The following DOK7 variants were observed in gnomAD, a reference collection of about 807,000 sequenced individuals.
The protein encoded by DOK7 is docking protein 7, also known as protein Dok-7.
A neutral mutation model predicts 30.7 loss-of-function variants in DOK7; 32 were observed. That is an observed-to-expected ratio of 1.04 (90% CI 0.79 to 1.40). DOK7 has a LOEUF of 1.40. Ranked by LOEUF, DOK7 falls within the 40% of genes most tolerant of loss-of-function variation. The probability of loss-of-function intolerance (pLI) is 0.00; values close to 1 mark genes in which losing one functional copy is unlikely to be tolerated. For synonymous variants in DOK7, 447 were observed against 324.1 expected (o/e 1.38, Z -4.07); for missense variants, 1,007 against 699.2 (o/e 1.44, Z -4.97).
chr4:3,469,556 G>T (rs1881809), intron 2 of DOK7, among the ~76,000 whole-genome samples: 19,094 of 152,102 alleles, frequency 0.13, 1,259 homozygotes, highest in East Asian at 0.23. Context: ...CTCCTGGGAG[G>T]GTGTGGCTGG....
At chr4:3,468,701 T>G (rs1726509343) in intron 2 of DOK7, among the ~76,000 whole-genome samples, 1 of 138,496 alleles carries the variant, frequency 7.2e-6, no homozygotes, top group Non-Finnish European at 1.5e-5. Context: ...TGTATGTCTG[T>G]GTATGTGTGT....
intron 4 of DOK7, among the ~76,000 whole-genome samples, chr4:3,483,320 A>C (rs1727547415): frequency 7.6e-6 from 1 of 131,866 alleles, no homozygotes; most frequent in South Asian, 2.8e-4. Flanking sequence ...GAGCATTCCC[A>C]AGACCGGGGG....
chr4:3,476,208 ATGATGCCCTCTCGCCCCGCCTGCCCG>A lies in DOK7; in HGVS notation c.332-121_332-96del, dbSNP rs1560212192. 3.7e-3 allele frequency: 648 copies of A among 176,182 alleles called. 67 individuals carry two copies. The highest frequency in any genetic ancestry group is 0.02 in the African/African-American group (201 of 9,970). 10.9% of individuals were successfully genotyped at this position (176,182 alleles called of 1,614,324 possible). On this transcript the variant is annotated intron_variant, in intron 3 of 6. Coordinates refer to ENST00000340083, the MANE Select transcript of DOK7 (RefSeq NM_173660.5). ...CGATGCCCTCTCACCTCACCCGCCC[ATGATGCCCTCTCGCCCCGCCTGCCCG>A]TGATGCCCTCTCACCCCACCCGCCC...
chr4:3,467,452 C>CG (rs1329893685), intron 2 of DOK7, among the ~76,000 whole-genome samples: 2 of 127,304 alleles, frequency 1.6e-5, no homozygotes, highest in African/African-American at 5.6e-5. Flanking sequence ...AGGGAAGACC[C>CG]CCCCCCCCCA....
intron 4 of DOK7, among the ~76,000 whole-genome samples, chr4:3,481,067 G>A (rs538793195): frequency 2.2e-4 from 33 of 152,162 alleles, no homozygotes; most frequent in South Asian, 4.2e-4. Context: ...TGGGTGTCCC[G>A]AAGGGCTGTG....
chr4:3,494,928 C>A (rs1424102290), downstream of DOK7, among the ~76,000 whole-genome samples: 2 of 152,116 alleles, frequency 1.3e-5, no homozygotes, highest in African/African-American at 4.8e-5. Flanking sequence ...TGCCCCCTCA[C>A]CCGCCACCCT....
intron 2 of DOK7, among the ~76,000 whole-genome samples, chr4:3,466,260 C>A (rs1384798878): frequency 6.6e-6 from 1 of 152,182 alleles, no homozygotes; most frequent in African/African-American, 2.4e-5. Flanking sequence ...ATGGCTGGGC[C>A]CTTGCTTAGT....
chr4:3,494,567 C>CG (rs1267931973), downstream of DOK7: 12 of 969,612 alleles, frequency 1.2e-5, no homozygotes, highest in Admixed American at 4.9e-4. Flanking sequence ...GCGAAGTCCC[C>CG]GGGCCCGGCT....
chr4:3,490,521 ACCCCCCCGCTCATTCG>A (rs1728260855), intron 6 of DOK7, among the ~76,000 whole-genome samples: 1 of 20,424 alleles, frequency 4.9e-5, no homozygotes, highest in Non-Finnish European at 9.1e-5. Flanking sequence ...TCTTTCCTTC[ACCCCCCCGCTCATTCG>A]TTCCTTCCTT....
Position 3,489,811 on chromosome 4 carries a change from T to G in DOK7, c.772+15T>G. On this transcript the variant is annotated intron_variant, in intron 6 of 6. Coordinates refer to ENST00000340083, the MANE Select transcript of DOK7 (RefSeq NM_173660.5). ...GGGCAGTGGAGGTAGGGCCGGGGGCTGACCTGGGCTGTGGGACCTCGGCTA... is the reference window on the plus strand; with the variant it reads ...GGGCAGTGGAGGTAGGGCCGGGGGCGGACCTGGGCTGTGGGACCTCGGCTA... 5 of 1,565,938 alleles carry G rather than the reference T, an allele frequency of 3.2e-6. No individual in the cohort carries two copies. The highest frequency in any genetic ancestry group is 4.3e-6 in the Non-Finnish European group (5 of 1,154,816).
Position 3,494,070 on chromosome 4 carries a change from G to A in DOK7, c.*569G>A. ...TGAAGCTCAGGAGGCTGTGTGGCTT[G>A]CGGGGTCTCTGGGTTCTGGGCCCCA... On this transcript the variant is annotated 3_prime_UTR_variant, in exon 7 of 7. Transcript: ENST00000340083. The A allele has an allele frequency of 1.0e-6, 1 of 986,968 alleles. No individual in the cohort carries two copies. The highest frequency in any genetic ancestry group is 1.2e-6 in the Non-Finnish European group (1 of 831,108). 61.1% of individuals were successfully genotyped at this position (986,968 alleles called of 1,614,324 possible). A position where few individuals can be genotyped will look rare whatever the true frequency, so the allele number is the denominator to read the frequency against.
At chr4:3,466,188 C>T (rs1726251014) in intron 2 of DOK7, among the ~76,000 whole-genome samples, 1 of 152,216 alleles carries the variant, frequency 6.6e-6, no homozygotes, top group Non-Finnish European at 1.5e-5. Flanking sequence ...CCAGTTCCCC[C>T]CAGCCAGCCC....
At chr4:3,489,933 C>G in intron 6 of DOK7, 137 bp downstream of exon 6, 2 of 1,369,714 alleles carry the variant, frequency 1.5e-6, no homozygotes, top group Non-Finnish European at 1.9e-6. Context: ...CCTGCTCATT[C>G]ATTCTTCCCC....
At chr4:3,477,424 C>T (rs950795824) in intron 4 of DOK7, among the ~76,000 whole-genome samples, 7 of 152,230 alleles carry the variant, frequency 4.6e-5, no homozygotes, top group Non-Finnish European at 5.9e-5. Context: ...GTGGAGGAAA[C>T]GCAGGCAAGG....
At chr4:3,465,836 G>A (rs1187016403) in intron 2 of DOK7, among the ~76,000 whole-genome samples, 1 of 152,244 alleles carries the variant, frequency 6.6e-6, no homozygotes, top group African/African-American at 2.4e-5. Flanking sequence ...CCCGGGGGAG[G>A]AGGGTGGTCT....
intron 5 of DOK7, among the ~76,000 whole-genome samples, chr4:3,487,291 C>T (rs1048536872): frequency 7.9e-5 from 12 of 152,346 alleles, no homozygotes; most frequent in South Asian, 2.1e-4. Flanking sequence ...GCCCAGCCCC[C>T]GCAGGCTGGA....
intron 5 of DOK7, among the ~76,000 whole-genome samples, chr4:3,488,392 G>T (rs987225390): frequency 6.6e-6 from 1 of 152,242 alleles, no homozygotes; most frequent in Non-Finnish European, 1.5e-5. Context: ...GAAGGCATCA[G>T]CAGAGGACAG....
rs763623892 is a variant in DOK7 at position 3,489,786 on chromosome 4, G to A, written c.762G>A (p.Pro254=). The A allele has an allele frequency of 2.7e-5, 43 of 1,573,634 alleles. No individual in the cohort carries two copies. The highest frequency in any genetic ancestry group is 5.5e-5 in the Admixed American group (3 of 54,678). Residue 254 remains proline (P), a synonymous_variant, in exon 6 of 7, where the codon CCG becomes CCA. Transcript: ENST00000340083. The stretch of plus-strand genomic sequence containing the variant: ...GCCTCCTCTCACATGCGGGCAGGCC[G>A]GGCAGTGGAGGTAGGGCCGGGGGCT... ...RLSLLSHAGR[P]GSGGDDRSLS...
rs776624533 is a variant in DOK7, at chr4:3,493,333, G to A, written c.1347G>A (p.Thr449=). 37 of 1,600,894 alleles carry A rather than the reference G, an allele frequency of 2.3e-5. No homozygotes were observed. The highest frequency in any genetic ancestry group is 4.5e-5 in the East Asian group (2 of 44,348). Reference sequence around the variant, plus strand: ...GGTGTCCCTCTGGCTGGCTGGGCACGAGACGGCGGGGCCTGGTGATGGAGG... The same window carrying A: ...GGTGTCCCTCTGGCTGGCTGGGCACAAGACGGCGGGGCCTGGTGATGGAGG... ...SAGCPSGWLG[T]RRRGLVMEAP... The change falls in exon 7 of 7, where the codon ACG becomes ACA. Residue 449 remains threonine, a synonymous_variant. Coordinates refer to ENST00000340083, the MANE Select transcript of DOK7 (RefSeq NM_173660.5).
Sources: gnomAD v4.1 joint callset for allele counts (sites outside exome capture counted in the v4.1 genomes callset) on GRCh38, gnomAD v4.1.1 for gene constraint, MANE v1.5 for transcripts, NCBI Gene and HGNC (gene_info 2026-07-23, HGNC 2026-07-21) for gene names.